KIAA0825: variants seen among roughly 807,000 people sequenced by gnomAD.
KIAA0825 encodes the protein uncharacterized protein KIAA0825.
Under a neutral mutation model 147.6 loss-of-function variants are expected in KIAA0825, and 119 were observed. The ratio of observed to expected loss-of-function variants is 0.81; its 90% confidence interval spans 0.69 to 0.94. The LOEUF (loss-of-function observed/expected upper bound fraction) is 0.94, where lower values mean the gene tolerates loss of function less well. KIAA0825 is among the 40% of genes least tolerant of loss of function. The probability of loss-of-function intolerance (pLI) is 0.00; values close to 1 mark genes in which losing one functional copy is unlikely to be tolerated. For synonymous variants in KIAA0825, 470 were observed against 518.1 expected, an observed-to-expected ratio of 0.91 and a Z score of 1.26; for missense variants, 1,381 against 1,472.7, an observed-to-expected ratio of 0.94 and a Z score of 1.02.
At chr5:94,610,074 T>C (rs1788405114) in intron 1 of KIAA0825, among the ~76,000 whole-genome samples, 1 of 152,132 alleles carries the variant, frequency 6.6e-6, no homozygotes, top group Admixed American at 6.5e-5. Flanking sequence ...ATTTTTAAAA[T>C]GAAAAATATT....
chr5:94,443,199 A>G (rs1757305564), intron 13 of KIAA0825, among the ~76,000 whole-genome samples: 1 of 152,118 alleles, frequency 6.6e-6, no homozygotes, highest in Non-Finnish European at 1.5e-5. Flanking sequence ...ACATTCTTCA[A>G]TCACCAAGCT....
intron 20 of KIAA0825, among the ~76,000 whole-genome samples, chr5:94,373,691 G>A (rs1189797672): frequency 1.3e-5 from 2 of 151,996 alleles, no homozygotes; most frequent in African/African-American, 2.4e-5. Context: ...CCTCTCATGG[G>A]AACTACAATT....
intron 1 of KIAA0825, among the ~76,000 whole-genome samples, chr5:94,602,134 G>A (rs1252587811): frequency 5.3e-5 from 8 of 152,112 alleles, no homozygotes; most frequent in Non-Finnish European, 8.8e-5. Flanking sequence ...CGGATCATGA[G>A]GTCAGGAGAT....
intron 2 of KIAA0825, among the ~76,000 whole-genome samples, chr5:94,541,673 C>T (rs1561288673): frequency 6.6e-6 from 1 of 152,160 alleles, no homozygotes; most frequent in Non-Finnish European, 1.5e-5. Context: ...TTTAACAAAA[C>T]TTGTAAAGGG....
chr5:94,334,777 C>T (rs1318355610), intron 20 of KIAA0825, among the ~76,000 whole-genome samples: 2 of 152,184 alleles, frequency 1.3e-5, no homozygotes, highest in African/African-American at 2.4e-5. Context: ...AGTCACCACA[C>T]CCGGCCACAA....
intron 5 of KIAA0825, among the ~76,000 whole-genome samples, chr5:94,498,741 T>C (rs1390887826): frequency 1.3e-5 from 2 of 152,206 alleles, no homozygotes; most frequent in East Asian, 3.8e-4. Flanking sequence ...TTTTCTCCAC[T>C]ATCTCCAATA....
chr5:94,596,769 T>C (rs1016737643), intron 1 of KIAA0825, among the ~76,000 whole-genome samples: 13 of 152,208 alleles, frequency 8.5e-5, no homozygotes, highest in Admixed American at 3.3e-4. Flanking sequence ...TGTTTTGTAA[T>C]TGTCATTGTA....
intron 20 of KIAA0825, among the ~76,000 whole-genome samples, chr5:94,208,900 G>A (rs1772446951): frequency 1.3e-5 from 2 of 152,306 alleles, no homozygotes; most frequent in East Asian, 1.9e-4. Flanking sequence ...AAGTTTTTCT[G>A]TACATTCAGA....
At chr5:94,467,615 G>A (rs1325356258) in intron 10 of KIAA0825, among the ~76,000 whole-genome samples, 1 of 152,180 alleles carries the variant, frequency 6.6e-6, no homozygotes, top group Non-Finnish European at 1.5e-5. Flanking sequence ...CAAGCTGACA[G>A]TTTAGAAAAT....
At chr5:94,572,126 A>AC (rs1780090375) in intron 2 of KIAA0825, among the ~76,000 whole-genome samples, 1 of 151,784 alleles carries the variant, frequency 6.6e-6, no homozygotes, top group South Asian at 2.1e-4. Context: ...CCCCACAAAA[A>AC]AACCAAGTTT....
At position 94,520,741 on chromosome 5, in the gene KIAA0825, A is replaced by G; in HGVS notation, c.477T>C (p.Ser159=). 6.2e-7 allele frequency: 1 copy of G among 1,613,436 alleles called. No homozygotes were observed. Among genetic ancestry groups the G allele is most frequent in the South Asian group, 1.1e-5 (1 of 91,068 alleles). ...GATGCAGTCTTATATCATCCCACAT[A>G]GACTTGACATCCATAGAGGAATTAT... ...VEDNSSMDVK[S]MWDDIRLHLR... The change falls in exon 5 of 21, where the codon TCT becomes TCC. Residue 159 remains serine (S), a synonymous_variant. Transcript: ENST00000682413.
intron 20 of KIAA0825, among the ~76,000 whole-genome samples, chr5:94,384,122 G>A (rs1192129299): frequency 6.6e-6 from 1 of 152,052 alleles, no homozygotes; most frequent in Admixed American, 6.6e-5. Context: ...TGAAACAAAT[G>A]TTACTGCCTT....
At chr5:94,353,185 CTATT>C (rs1783888539) in intron 20 of KIAA0825, among the ~76,000 whole-genome samples, 1 of 152,030 alleles carries the variant, frequency 6.6e-6, no homozygotes, top group South Asian at 2.1e-4. Context: ...TTTAAAAAAA[CTATT>C]TATTAGAATA....
chr5:94,474,636 G>T (rs1761636534), intron 7 of KIAA0825, among the ~76,000 whole-genome samples: 1 of 152,044 alleles, frequency 6.6e-6, no homozygotes, highest in South Asian at 2.1e-4. Flanking sequence ...AGTAATAAAG[G>T]TGATTCATTT....
rs1221877182 is a variant in KIAA0825, at chr5:94,439,973, C to T, written c.2497+9G>A. ...TTTCGAGGACATTCTTATAACTACACATACTCACTTGAGCTCTTCAGCAAG... is the reference window on the plus strand; with the variant it reads ...TTTCGAGGACATTCTTATAACTACATATACTCACTTGAGCTCTTCAGCAAG... On this transcript the variant is annotated intron_variant, in intron 14 of 20. Transcript: ENST00000682413. 1 of 1,550,366 alleles carries T rather than the reference C, an allele frequency of 6.5e-7. No individual in the cohort carries two copies. Among genetic ancestry groups the T allele is most frequent in the Non-Finnish European group, 8.7e-7 (1 of 1,146,318 alleles).
intron 5 of KIAA0825, among the ~76,000 whole-genome samples, chr5:94,518,952 AT>A (rs773718494): frequency 4.0e-4 from 60 of 151,668 alleles, no homozygotes; most frequent in African/African-American, 1.3e-3. Context: ...AGTAAGCAGG[AT>A]TTTTTTTTCA....
At chr5:94,305,508 A>C (rs1778666803) in intron 20 of KIAA0825, among the ~76,000 whole-genome samples, 1 of 152,012 alleles carries the variant, frequency 6.6e-6, no homozygotes, top group African/African-American at 2.4e-5. Context: ...AATGAGCTAA[A>C]GGCAACTGTG....
intron 13 of KIAA0825, among the ~76,000 whole-genome samples, chr5:94,446,330 A>G (rs575140755): frequency 1.3e-5 from 2 of 152,330 alleles, no homozygotes; most frequent in Admixed American, 1.3e-4. Flanking sequence ...TATATAGTTT[A>G]AGTGATCATA....
intron 2 of KIAA0825, among the ~76,000 whole-genome samples, chr5:94,574,247 C>G (rs1219200727): frequency 6.6e-6 from 1 of 151,976 alleles, no homozygotes; most frequent in Non-Finnish European, 1.5e-5. Context: ...CGATCCACAA[C>G]TAGTAAAGAA....
Sources: gnomAD v4.1 joint callset for allele counts (sites outside exome capture counted in the v4.1 genomes callset) on GRCh38, gnomAD v4.1.1 for gene constraint, MANE v1.5 for transcripts, NCBI Gene and HGNC (gene_info 2026-07-23, HGNC 2026-07-21) for gene names.